The following FAM120B variants were observed in gnomAD, a reference collection of about 807,000 sequenced individuals.
The protein encoded by FAM120B is family with sequence similarity 120 member B.
In FAM120B, 83 loss-of-function variants were observed where a neutral mutation model predicts 96.3. That is an observed-to-expected ratio of 0.86 (90% CI 0.72 to 1.03). The LOEUF (loss-of-function observed/expected upper bound fraction) is 1.03, where lower values mean the gene tolerates loss of function less well. Ranked by LOEUF, FAM120B falls within the 50% of genes least tolerant of loss-of-function variation. The probability of loss-of-function intolerance (pLI) is 0.00; values close to 1 mark genes in which losing one functional copy is unlikely to be tolerated. For synonymous variants in FAM120B, 407 were observed against 402.7 expected, an observed-to-expected ratio of 1.01 and a Z score of -0.13; for missense variants, 1,027 against 1,121.2, an observed-to-expected ratio of 0.92 and a Z score of 1.20.
chr6:170,375,319 A>G (rs1338082701), intron 6 of FAM120B, among the ~76,000 whole-genome samples: 1 of 152,230 alleles, frequency 6.6e-6, no homozygotes, highest in Admixed American at 6.5e-5. Flanking sequence ...CCATTCCTTC[A>G]GGGTGGAAAC....
chr6:170,384,114 G>A (rs1374317002), intron 6 of FAM120B, among the ~76,000 whole-genome samples: 3 of 152,208 alleles, frequency 2.0e-5, no homozygotes, highest in Admixed American at 6.5e-5. Flanking sequence ...AACAGATTAA[G>A]TTGCCAGGGA....
chr6:170,382,258 C>CA (rs1451944000), intron 6 of FAM120B, among the ~76,000 whole-genome samples: 8 of 152,046 alleles, frequency 5.3e-5, no homozygotes, highest in African/African-American at 7.2e-5. Flanking sequence ...CCCATCTCTA[C>CA]AAAAAATTGA....
At chr6:170,404,650 TTAA>T (rs1198768224) in intron 10 of FAM120B, 49 bp downstream of exon 10, 7 of 1,381,288 alleles carry the variant, frequency 5.1e-6, no homozygotes, top group Non-Finnish European at 7.2e-6. Flanking sequence ...CATGTCTGTC[TTAA>T]TAACATAAAT....
chr6:170,367,586 G>T (rs1034332272), intron 6 of FAM120B, among the ~76,000 whole-genome samples: 4 of 152,228 alleles, frequency 2.6e-5, no homozygotes, highest in Admixed American at 6.5e-5. Context: ...AAGTCCGCGG[G>T]GAGACGGCAG....
At chr6:170,378,233 A>C (rs960706507) in intron 6 of FAM120B, among the ~76,000 whole-genome samples, 1 of 152,182 alleles carries the variant, frequency 6.6e-6, no homozygotes, top group South Asian at 2.1e-4. Context: ...AATCTTTAGC[A>C]TACCCAGAAT....
In FAM120B at chr6:170,346,957, A is replaced by G. The variant is rs554324624; in HGVS notation, c.2018-1194A>G. On this transcript the variant is annotated intron_variant, in intron 4 of 10. Transcript: ENST00000476287. ...TGCTAATTATCCTTAGCATTTTCTT[A>G]AGAGAAAAATATGTTTTTTCTCTCT... 3.3e-5 allele frequency among the ~76,000 whole-genome samples: 5 copies of G among 152,270 alleles called. No homozygotes were observed. In the South Asian group the frequency reaches 8.3e-4, roughly 25 times the overall value.
rs774059004 is a variant in FAM120B at position 170,295,589 on chromosome 6, G to A, written c.48+136G>A. 20 of 549,084 alleles carry A rather than the reference G, an allele frequency of 3.6e-5. No individual in the cohort carries two copies. In the Middle Eastern group the frequency reaches 1.4e-3, roughly 39 times the overall value. The allele number at this position is 549,084 out of a possible 1,614,324, so 34.0% of individuals were successfully genotyped here. ...CGGTGGGGGCACAAGAACAGCAGCCGGGGGCGAAGGAATCAGCCCCGCAGC... is the reference window on the plus strand; with the variant it reads ...CGGTGGGGGCACAAGAACAGCAGCCAGGGGCGAAGGAATCAGCCCCGCAGC... On this transcript the variant is annotated intron_variant, in intron 1 of 10. Transcript: ENST00000537664. The surrounding 1 kb of genome is among the most constrained non-coding windows in gnomAD (Gnocchi z 7.8).
intron 6 of FAM120B, among the ~76,000 whole-genome samples, chr6:170,376,060 T>C (rs1789492693): frequency 6.6e-6 from 1 of 152,072 alleles, no homozygotes. Flanking sequence ...ACAGCAGAAC[T>C]GGAGGTGGAG....
At chr6:170,372,806 G>A (rs572115841) in intron 6 of FAM120B, among the ~76,000 whole-genome samples, 1 of 152,070 alleles carries the variant, frequency 6.6e-6, no homozygotes, top group African/African-American at 2.4e-5. Context: ...AACTACAATC[G>A]GAAGACTTCT....
chr6:170,305,987 T>C (rs1042561696), upstream of FAM120B, among the ~76,000 whole-genome samples: 1 of 152,144 alleles, frequency 6.6e-6, no homozygotes, highest in Non-Finnish European at 1.5e-5. Context: ...CCCGCCACCA[T>C]GTATCCACAG....
chr6:170,367,643 G>T (rs113936731), intron 6 of FAM120B, among the ~76,000 whole-genome samples: 6,246 of 152,314 alleles, frequency 0.041, 182 homozygotes, highest in Middle Eastern at 0.099. Context: ...CTGCAGCCAG[G>T]TCTGCACGCA....
intron 6 of FAM120B, among the ~76,000 whole-genome samples, chr6:170,366,701 G>A (rs181219785): frequency 4.4e-4 from 67 of 152,302 alleles, no homozygotes; most frequent in African/African-American, 8.4e-4. Context: ...TAGGTGAGGC[G>A]TAGCCAGGGA....
chr6:170,371,916 C>T (rs1789220356), intron 6 of FAM120B, among the ~76,000 whole-genome samples: 1 of 152,216 alleles, frequency 6.6e-6, no homozygotes, highest in South Asian at 2.1e-4. Flanking sequence ...GGCTCAGGAC[C>T]TTCACGCAGT....
At chr6:170,320,436 CAA>C (rs1785211035) in intron 2 of FAM120B, among the ~76,000 whole-genome samples, 1 of 152,010 alleles carries the variant, frequency 6.6e-6, no homozygotes, top group African/African-American at 2.4e-5. Context: ...AGGTAAAATA[CAA>C]AAGAGCTAGA....
chr6:170,319,638 T>A (rs1357091194), intron 2 of FAM120B, among the ~76,000 whole-genome samples: 1 of 152,032 alleles, frequency 6.6e-6, no homozygotes, highest in African/African-American at 2.4e-5. Context: ...GCCTGGGCAA[T>A]AAGAGCAAAA....
At chr6:170,329,363 C>T (rs190697723) in intron 3 of FAM120B, among the ~76,000 whole-genome samples, 2 of 152,286 alleles carry the variant, frequency 1.3e-5, no homozygotes, top group Non-Finnish European at 1.5e-5. Context: ...CTGGCACTGC[C>T]CATTGTCCGT....
At chr6:170,362,291 A>G (rs1277565224) in intron 6 of FAM120B, among the ~76,000 whole-genome samples, 1 of 152,188 alleles carries the variant, frequency 6.6e-6, no homozygotes, top group Non-Finnish European at 1.5e-5. Flanking sequence ...GTGGACATTC[A>G]AGGTTATGGA....
At chr6:170,361,688 G>A (rs762563697) in intron 6 of FAM120B, among the ~76,000 whole-genome samples, 1 of 152,290 alleles carries the variant, frequency 6.6e-6, no homozygotes, top group African/African-American at 2.4e-5. Flanking sequence ...ATACCTGCTC[G>A]ACTGAACTTT....
At chr6:170,319,600 G>A (rs1007019226) in intron 2 of FAM120B, among the ~76,000 whole-genome samples, 15 of 152,188 alleles carry the variant, frequency 9.9e-5, no homozygotes, top group Middle Eastern at 3.2e-3. Context: ...CCTGGGAGGC[G>A]GAGGTTGCAG....
Sources: gnomAD v4.1 joint callset for allele counts (sites outside exome capture counted in the v4.1 genomes callset) on GRCh38, gnomAD v4.1.1 for gene constraint, Gnocchi (gnomAD v3.1) non-coding constraint, MANE v1.5 for transcripts, NCBI Gene and HGNC (gene_info 2026-07-23, HGNC 2026-07-21) for gene names.